The following TMEM182 variants were observed in gnomAD, a reference collection of about 807,000 sequenced individuals.
The protein encoded by TMEM182 is transmembrane protein 182.
In TMEM182, 20 loss-of-function variants were observed where a neutral mutation model predicts 26.8. The observed-to-expected ratio is 0.75, with a 90% CI of 0.53 to 1.09. The LOEUF (loss-of-function observed/expected upper bound fraction) is 1.09, where lower values mean the gene tolerates loss of function less well. Ranked by LOEUF, TMEM182 falls within the 50% of genes least tolerant of loss-of-function variation. The pLI is 0.00. For synonymous variants in TMEM182, 109 were observed against 102.2 expected, an observed-to-expected ratio of 1.07 and a Z score of -0.40; for missense variants, 277 against 275.5, an observed-to-expected ratio of 1.01 and a Z score of -0.04.
At chr2:102,747,309 C>T (rs1679730207) in intron 1 of TMEM182, among the ~76,000 whole-genome samples, 1 of 152,180 alleles carries the variant, frequency 6.6e-6, no homozygotes, top group Non-Finnish European at 1.5e-5. Context: ...TCTCCCTGGA[C>T]ATTGTCTTTG....
In TMEM182 at chr2:102,816,530, A is replaced by ATAG; in HGVS notation, c.*1564_*1565insGTA. On this transcript the variant is annotated 3_prime_UTR_variant, in exon 5 of 5. Coordinates refer to ENST00000412401, the MANE Select transcript of TMEM182 (RefSeq NM_144632.5). The stretch of plus-strand genomic sequence containing the variant: ...CTTGCCAATAATAATAATAATAATA[A>ATAG]TAATAATAATAATAATAAAGCTCCA... 1.0e-6 allele frequency: 1 copy of ATAG among 962,180 alleles called. No individual in the cohort carries two copies. The highest frequency in any genetic ancestry group is 1.2e-4 in the East Asian group (1 of 8,668). 59.6% of individuals were successfully genotyped at this position (962,180 alleles called of 1,614,324 possible).
chr2:102,759,863 G>T (rs1169447569), upstream of TMEM182, among the ~76,000 whole-genome samples: 2 of 152,078 alleles, frequency 1.3e-5, no homozygotes, highest in Non-Finnish European at 2.9e-5. Context: ...ACCAGCAACT[G>T]TCTGACCCTT....
chr2:102,792,028 T>G (rs1168678744), intron 3 of TMEM182, among the ~76,000 whole-genome samples: 1 of 124,624 alleles, frequency 8.0e-6, no homozygotes, highest in Non-Finnish European at 1.7e-5. Context: ...ATATATAATT[T>G]TATATGTGTG....
At chr2:102,834,532 G>A in intron 3 of TMEM182, 2 of 640,454 alleles carry the variant, frequency 3.1e-6, no homozygotes, top group Non-Finnish European at 3.9e-6. Context: ...AGCCTTGGGA[G>A]GTGTGCATAT....
At chr2:102,790,402 G>C (rs949657912) in intron 3 of TMEM182, among the ~76,000 whole-genome samples, 4 of 152,224 alleles carry the variant, frequency 2.6e-5, no homozygotes, top group South Asian at 2.1e-4. Context: ...AGGTTTTAGT[G>C]CATTTTTTAC....
At chr2:102,813,627 C>T (rs1682632924) in intron 4 of TMEM182, among the ~76,000 whole-genome samples, 1 of 152,200 alleles carries the variant, frequency 6.6e-6, no homozygotes, top group African/African-American at 2.4e-5. Context: ...CCAGCGGACC[C>T]TGGAGCCTGC....
chr2:102,771,900 T>C (rs528283777), intron 3 of TMEM182, among the ~76,000 whole-genome samples: 1 of 152,308 alleles, frequency 6.6e-6, no homozygotes, highest in East Asian at 1.9e-4. Flanking sequence ...TAACTAAAAA[T>C]GCCTCCAGAC....
intron 3 of TMEM182, among the ~76,000 whole-genome samples, chr2:102,826,357 G>T (rs908396065): frequency 1.0e-4 from 15 of 150,444 alleles, no homozygotes; most frequent in Non-Finnish European, 2.1e-4. Context: ...TAGAGCGGCG[G>T]TGGGGGCTAT....
At chr2:102,778,621 T>C (rs1681029991) in intron 3 of TMEM182, among the ~76,000 whole-genome samples, 1 of 152,116 alleles carries the variant, frequency 6.6e-6, no homozygotes, top group Non-Finnish European at 1.5e-5. Flanking sequence ...GAATTCTGTT[T>C]TGATTTATCT....
intron 3 of TMEM182, among the ~76,000 whole-genome samples, chr2:102,822,853 A>C (rs1682953769): frequency 6.6e-6 from 1 of 152,124 alleles, no homozygotes; most frequent in African/African-American, 2.4e-5. Flanking sequence ...CCCAGAATGT[A>C]GAAAGCACTC....
At chr2:102,786,690 C>G (rs1405126816) in intron 3 of TMEM182, among the ~76,000 whole-genome samples, 2 of 152,220 alleles carry the variant, frequency 1.3e-5, no homozygotes, top group African/African-American at 4.8e-5. Context: ...TTGCTTCACT[C>G]TGTTCCCTGG....
intron 2 of TMEM182, among the ~76,000 whole-genome samples, chr2:102,763,544 G>T (rs1680300195): frequency 6.6e-6 from 1 of 152,148 alleles, no homozygotes; most frequent in Non-Finnish European, 1.5e-5. Context: ...AAGCAAGCTG[G>T]TGATAAGTTG....
intron 3 of TMEM182, among the ~76,000 whole-genome samples, chr2:102,770,392 A>G (rs1680623460): frequency 1.3e-5 from 2 of 152,184 alleles, no homozygotes; most frequent in African/African-American, 2.4e-5. Flanking sequence ...CTTCTATCCT[A>G]AATCCACCTG....
intron 3 of TMEM182, among the ~76,000 whole-genome samples, chr2:102,783,687 T>G (rs1475686960): frequency 6.6e-6 from 1 of 152,082 alleles, no homozygotes; most frequent in Admixed American, 6.6e-5. Context: ...GAGACTGAAG[T>G]GGGAGGATCT....
intron 3 of TMEM182, among the ~76,000 whole-genome samples, chr2:102,791,820 A>G (rs553266841): frequency 6.6e-6 from 1 of 152,262 alleles, no homozygotes; most frequent in African/African-American, 2.4e-5. Flanking sequence ...AGATGCTTCT[A>G]CTAGGCACAG....
In TMEM182 at chr2:102,829,779, T is replaced by C. The variant is rs143223269; in HGVS notation, c.326-13633T>C. ...CCAGGATCCAGGCAGCCTGGGGCTT[T>C]ATGATTCCTGTTCTTGGCTTTTTGT... On this transcript the variant is annotated intron_variant, in intron 3 of 3. Coordinates refer to the TMEM182 transcript ENST00000486293. Among the ~76,000 whole-genome samples the C allele has an allele frequency of 7.4e-4, 113 of 152,298 alleles. No individual in the cohort carries two copies. In the East Asian group the frequency reaches 0.019, roughly 26 times the overall value.
downstream of TMEM182, among the ~76,000 whole-genome samples, chr2:102,819,678 G>C (rs543082704): frequency 6.6e-6 from 1 of 152,286 alleles, no homozygotes; most frequent in East Asian, 1.9e-4. Context: ...TGTATGTAAA[G>C]TGTATACATG....
In TMEM182 at chr2:102,743,560, C is replaced by G. The variant is rs138998738; in HGVS notation, c.-83+6547C>G. ...GGATAAGAGCGGAAGATTAAAGAAA[C>G]AAGGAACAGTGCAACAAGTAGAAGA... On this transcript the variant is annotated intron_variant, in intron 1 of 5. Transcript: ENST00000409173. 6.5e-3 allele frequency among the ~76,000 whole-genome samples: 989 copies of G among 152,088 alleles called. 13 individuals are homozygous for G. The highest frequency in any genetic ancestry group is 0.023 in the African/African-American group (938 of 41,494).
chr2:102,833,493 C>T (rs1683187346), intron 3 of TMEM182, among the ~76,000 whole-genome samples: 1 of 152,086 alleles, frequency 6.6e-6, no homozygotes, highest in African/African-American at 2.4e-5. Context: ...AGTGCTCCCA[C>T]ACACACACCC....
Sources: allele counts gnomAD v4.1 joint callset (sites outside exome capture counted in the v4.1 genomes callset), GRCh38; gene constraint gnomAD v4.1.1; transcripts MANE v1.5; gene names NCBI Gene and HGNC (gene_info 2026-07-23, HGNC 2026-07-21).